ANK2: variants seen among roughly 807,000 people sequenced by gnomAD.
The protein encoded by ANK2 is ankyrin-2.
In ANK2, 83 loss-of-function variants were observed where a neutral mutation model predicts 360.5. The observed-to-expected ratio is 0.23, with a 90% CI of 0.19 to 0.28. The LOEUF is 0.28. Ranked by LOEUF, ANK2 falls within the 10% of genes least tolerant of loss-of-function variation. The pLI is 1.00. For synonymous variants in ANK2, 1,740 were observed against 1,759.5 expected (o/e 0.99, Z 0.28); for missense variants, 4,201 against 4,795.7 (o/e 0.88, Z 3.66).
intron 1 of ANK2, among the ~76,000 whole-genome samples, chr4:113,057,767 A>C (rs1221376333): frequency 6.6e-6 from 1 of 152,152 alleles, no homozygotes; most frequent in African/African-American, 2.4e-5. Context: ...CTAAATATTC[A>C]GCCTTCTGCC....
chr4:113,304,681 AG>A (rs2076427021), intron 23 of ANK2, among the ~76,000 whole-genome samples: 1 of 152,206 alleles, frequency 6.6e-6, no homozygotes, highest in African/African-American at 2.4e-5. Flanking sequence ...AAATTAATGC[AG>A]TTTATATCAC....
At chr4:113,203,785 A>G (rs17045749) in intron 4 of ANK2, among the ~76,000 whole-genome samples, 7,369 of 152,170 alleles carry the variant, frequency 0.048, 222 homozygotes, top group African/African-American at 0.079. Flanking sequence ...CTTGCCCATA[A>G]TCTTCATCCC....
chr4:113,340,836 G>A (rs1368495804), intron 32 of ANK2, among the ~76,000 whole-genome samples: 1 of 147,176 alleles, frequency 6.8e-6, no homozygotes. Context: ...GCGACAGAGC[G>A]AGACAACGTC....
At chr4:112,924,997 C>T (rs767876515) in intron 2 of ANK2, among the ~76,000 whole-genome samples, 1 of 151,950 alleles carries the variant, frequency 6.6e-6, no homozygotes, top group Non-Finnish European at 1.5e-5. Flanking sequence ...TGCCACCACA[C>T]CCGGCTAATT....
At chr4:113,114,756 CTGA>C (rs1281187201) in intron 1 of ANK2, among the ~76,000 whole-genome samples, 1 of 152,054 alleles carries the variant, frequency 6.6e-6, no homozygotes, top group Non-Finnish European at 1.5e-5. Context: ...TCTATCTGTG[CTGA>C]TGATTTTTCA....
chr4:112,912,191 A>G (rs917596946), intron 2 of ANK2, among the ~76,000 whole-genome samples: 2 of 152,000 alleles, frequency 1.3e-5, no homozygotes, highest in South Asian at 2.1e-4. Flanking sequence ...AAAAAAAAAA[A>G]GAAACTGATG....
intron 1 of ANK2, among the ~76,000 whole-genome samples, chr4:112,888,461 C>T (rs2079030443): frequency 6.6e-6 from 1 of 152,104 alleles, no homozygotes; most frequent in Middle Eastern, 3.4e-3. Context: ...CAAGGGTTTG[C>T]ATATTAAGAT....
In ANK2 at chr4:113,217,742, G is replaced by A. The variant is rs116429571; in HGVS notation, c.385-14419G>A. 5.4e-3 allele frequency among the ~76,000 whole-genome samples: 817 copies of A among 152,242 alleles called. 6 individuals are homozygous for A. The highest frequency in any genetic ancestry group is 0.019 in the African/African-American group (774 of 41,538). On this transcript the variant is annotated intron_variant, in intron 4 of 45. Transcript: ENST00000357077. ...CCCGCCCCGACTCACCTTCTGCTGT[G>A]CGGCCCAGTTTCAGTACCGGTTCAT...
Position 113,069,076 on chromosome 4 carries a change from GAGAAA to G in ANK2, c.84+19278_84+19282del, listed in dbSNP as rs112982166. Among the ~76,000 whole-genome samples the G allele has an allele frequency of 9.7e-4, 146 of 150,886 alleles. 2 individuals are homozygous for G. In the East Asian group the frequency reaches 0.014, roughly 14 times the overall value. ...GTCTAATGAAAAGAAAAGAAAAGAAGAGAAAAGAAAAGAAAAGAGAGGAGAGGAGA... is the reference window on the plus strand; with the variant it reads ...GTCTAATGAAAAGAAAAGAAAAGAAGAGAAAAGAAAAGAGAGGAGAGGAGA... On this transcript the variant is annotated intron_variant, in intron 1 of 45. Coordinates refer to ENST00000357077, the MANE Select transcript of ANK2 (RefSeq NM_001148.6).
the ANK2 span, among the ~76,000 whole-genome samples, chr4:112,756,115 T>C: frequency 6.6e-6 from 1 of 151,916 alleles, no homozygotes; most frequent in East Asian, 1.9e-4. Flanking sequence ...GGCGGGTGCC[T>C]GTAGTCCCAG....
the ANK2 span, among the ~76,000 whole-genome samples, chr4:112,769,440 G>C: frequency 6.6e-6 from 1 of 152,074 alleles, no homozygotes; most frequent in African/African-American, 2.4e-5. Flanking sequence ...TAATGCAATC[G>C]GTCTACTGTA....
intron 2 of ANK2, among the ~76,000 whole-genome samples, chr4:112,946,644 A>G (rs186320656): frequency 2.1e-3 from 313 of 152,298 alleles, no homozygotes; most frequent in African/African-American, 7.2e-3. Flanking sequence ...CAGATCAGCT[A>G]ATTTTGGAAT....
intron 1 of ANK2, among the ~76,000 whole-genome samples, chr4:112,879,451 A>C (rs141237462): frequency 1.4e-3 from 216 of 152,274 alleles, no homozygotes; most frequent in Middle Eastern, 6.8e-3. Context: ...CAGATCATCT[A>C]TCCCAGGCAA....
intron 1 of ANK2, among the ~76,000 whole-genome samples, chr4:113,078,710 G>C (rs2081127374): frequency 6.6e-6 from 1 of 152,132 alleles, no homozygotes; most frequent in South Asian, 2.1e-4. Flanking sequence ...AAACCTCCCA[G>C]GTAGGCTGAA....
intron 32 of ANK2, among the ~76,000 whole-genome samples, chr4:113,339,699 C>T (rs115882373): frequency 1.3e-5 from 2 of 152,284 alleles, no homozygotes; most frequent in East Asian, 1.9e-4. Context: ...CAAATCTCAC[C>T]GTGGTTTGTC....
At chr4:113,309,058 A>C (rs555916670) in intron 23 of ANK2, among the ~76,000 whole-genome samples, 32 of 152,224 alleles carry the variant, frequency 2.1e-4, no homozygotes, top group African/African-American at 7.5e-4. Context: ...AATTTTTTTC[A>C]AAGTGATTTT....
chr4:112,737,958 G>C, the ANK2 span, among the ~76,000 whole-genome samples: 9 of 152,116 alleles, frequency 5.9e-5, no homozygotes, highest in Non-Finnish European at 1.3e-4. Flanking sequence ...TTGGTTCATC[G>C]GGGTACATCG....
intron 4 of ANK2, among the ~76,000 whole-genome samples, chr4:113,206,343 T>C (rs1238364458): frequency 6.6e-6 from 1 of 152,244 alleles, no homozygotes; most frequent in African/African-American, 2.4e-5. Flanking sequence ...AACATATGTT[T>C]AGTTTTCTAT....
At chr4:112,887,577 G>T (rs1041834683) in intron 1 of ANK2, among the ~76,000 whole-genome samples, 3 of 152,116 alleles carry the variant, frequency 2.0e-5, no homozygotes, top group African/African-American at 7.2e-5. Flanking sequence ...TTTCCCTGTT[G>T]TTTTAAAACC....
Sources: gnomAD v4.1 joint callset for allele counts (sites outside exome capture counted in the v4.1 genomes callset) on GRCh38, gnomAD v4.1.1 for gene constraint, MANE v1.5 for transcripts, NCBI Gene and HGNC (gene_info 2026-07-23, HGNC 2026-07-21) for gene names.